The following CAST variants were observed in gnomAD, a reference collection of about 807,000 sequenced individuals.
CAST encodes the protein calpastatin, also known as MIR583 host.
In CAST, 76 loss-of-function variants were observed where a neutral mutation model predicts 119.6. The observed-to-expected ratio is 0.64, with a 90% CI of 0.53 to 0.77. The LOEUF (loss-of-function observed/expected upper bound fraction) is 0.77. CAST is among the 30% of genes least tolerant of loss of function. The pLI, the probability that CAST is intolerant of heterozygous loss-of-function variation, is 0.00. For missense variants in CAST, 953 were observed against 946.5 expected, an observed-to-expected ratio of 1.01 and a Z score of -0.09; for synonymous variants, 319 against 331.6, an observed-to-expected ratio of 0.96 and a Z score of 0.41.
chr5:96,140,145 G>A, the CAST span, among the ~76,000 whole-genome samples: 3 of 152,162 alleles, frequency 2.0e-5, no homozygotes, highest in Non-Finnish European at 4.4e-5. Flanking sequence ...GAACCACTTG[G>A]CTAGAAATAG....
At chr5:96,730,555 C>T (rs1760243678) in intron 8 of CAST, among the ~76,000 whole-genome samples, 1 of 152,164 alleles carries the variant, frequency 6.6e-6, no homozygotes, top group Admixed American at 6.5e-5. Flanking sequence ...CCTTACCTAG[C>T]CTGATTGACC....
Position 96,774,482 on chromosome 5 carries a change from A to C in CAST, c.*1866A>C. On this transcript the variant is annotated 3_prime_UTR_variant, in exon 32 of 32. Transcript: ENST00000675179. ...AGAGAGAAAATAATTGCAAATATCC[A>C]CTTAGAGGCAAAGAACAATTTTTTA... 1.0e-6 allele frequency: 1 copy of C among 984,768 alleles called. No homozygotes were observed. Among genetic ancestry groups the C allele is most frequent in the Non-Finnish European group, 1.2e-6 (1 of 827,848 alleles). The allele number at this position is 984,768 out of a possible 1,614,324, so 61.0% of individuals were successfully genotyped here.
intron 1 of CAST, among the ~76,000 whole-genome samples, chr5:96,612,615 A>C (rs1212374265): frequency 1.3e-5 from 2 of 152,160 alleles, no homozygotes; most frequent in African/African-American, 4.8e-5. Context: ...AGAAATCTGC[A>C]CTTGTACCGG....
chr5:96,170,581 G>T, the CAST span, among the ~76,000 whole-genome samples: 3 of 152,190 alleles, frequency 2.0e-5, no homozygotes. Context: ...TTTATTTAAT[G>T]TCGGGAGCGG....
At chr5:96,470,221 C>T in the CAST span, among the ~76,000 whole-genome samples, 37 of 146,914 alleles carry the variant, frequency 2.5e-4, no homozygotes, top group African/African-American at 9.2e-4. Context: ...GCACAGAAAA[C>T]TCTGAGTTTT....
chr5:96,518,048 G>C, the CAST span, among the ~76,000 whole-genome samples: 1 of 152,212 alleles, frequency 6.6e-6, no homozygotes, highest in African/African-American at 2.4e-5. Context: ...GGTGAAGCCA[G>C]GATTCAAATC....
At chr5:96,576,929 G>A (rs184535372) in intron 1 of CAST, among the ~76,000 whole-genome samples, 215 of 152,074 alleles carry the variant, frequency 1.4e-3, no homozygotes, top group Non-Finnish European at 2.5e-3. Context: ...ACAACCCATC[G>A]CCTAGGTATT....
At chr5:96,634,303 AT>A (rs1747859193) in intron 1 of CAST, among the ~76,000 whole-genome samples, 1 of 152,228 alleles carries the variant, frequency 6.6e-6, no homozygotes, top group Non-Finnish European at 1.5e-5. Flanking sequence ...TCTTCTACTC[AT>A]TGATTGTGCA....
the CAST span, among the ~76,000 whole-genome samples, chr5:96,372,102 T>C: frequency 6.6e-6 from 1 of 152,286 alleles, no homozygotes; most frequent in Non-Finnish European, 1.5e-5. Flanking sequence ...ATTTTGGAAA[T>C]GGGAAAAATT....
At chr5:96,049,640 C>T in the CAST span, among the ~76,000 whole-genome samples, 1 of 151,644 alleles carries the variant, frequency 6.6e-6, no homozygotes, top group Non-Finnish European at 1.5e-5. Flanking sequence ...AGGAAAAGTC[C>T]AGGGTTACTG....
At chr5:95,991,133 C>T in the CAST span, among the ~76,000 whole-genome samples, 1 of 152,136 alleles carries the variant, frequency 6.6e-6, no homozygotes, top group Non-Finnish European at 1.5e-5. Flanking sequence ...CCCACTTTGC[C>T]ACAACAAGGA....
At chr5:96,081,145 G>T in the CAST span, among the ~76,000 whole-genome samples, 2 of 152,218 alleles carry the variant, frequency 1.3e-5, no homozygotes, top group Non-Finnish European at 2.9e-5. Flanking sequence ...AGTAAGCAAA[G>T]GTTGAGTTGA....
chr5:96,356,042 G>A, the CAST span, among the ~76,000 whole-genome samples: 1 of 152,110 alleles, frequency 6.6e-6, no homozygotes, highest in East Asian at 1.9e-4. Flanking sequence ...ACTGGCATGA[G>A]ATGGTATCTC....
At chr5:96,403,885 T>G in the CAST span, among the ~76,000 whole-genome samples, 8 of 152,348 alleles carry the variant, frequency 5.3e-5, no homozygotes, top group Middle Eastern at 3.4e-3. Flanking sequence ...TCCATTTCTC[T>G]TTCTCCAGGT....
chr5:96,706,329 A>G (rs1754967383), intron 3 of CAST, among the ~76,000 whole-genome samples: 1 of 152,098 alleles, frequency 6.6e-6, no homozygotes, highest in South Asian at 2.1e-4. Context: ...TTTTCCCTGG[A>G]GTTTCTGCAA....
At chr5:96,217,811 C>T in the CAST span, among the ~76,000 whole-genome samples, 1 of 152,056 alleles carries the variant, frequency 6.6e-6, no homozygotes, top group Admixed American at 6.6e-5. Context: ...GAAGGGTTAT[C>T]CTTAGGGATG....
At chr5:96,410,045 C>A in the CAST span, among the ~76,000 whole-genome samples, 1 of 152,104 alleles carries the variant, frequency 6.6e-6, no homozygotes, top group Non-Finnish European at 1.5e-5. Context: ...CTAGTTGGTC[C>A]TTTCTGTGTC....
At chr5:96,590,544 A>G (rs952340313) in intron 1 of CAST, among the ~76,000 whole-genome samples, 1 of 152,222 alleles carries the variant, frequency 6.6e-6, no homozygotes, top group Non-Finnish European at 1.5e-5. Context: ...TACAGACACC[A>G]TGTCCTAAAT....
chr5:96,603,546 C>T (rs1262156072), intron 1 of CAST, among the ~76,000 whole-genome samples: 3 of 152,128 alleles, frequency 2.0e-5, no homozygotes, highest in Non-Finnish European at 2.9e-5. Flanking sequence ...GCAATAACAC[C>T]CACGGAGTCA....
Sources: allele counts gnomAD v4.1 joint callset (sites outside exome capture counted in the v4.1 genomes callset), GRCh38; gene constraint gnomAD v4.1.1; transcripts MANE v1.5; gene names NCBI Gene and HGNC (gene_info 2026-07-23, HGNC 2026-07-21).